The following HLA-DRB5 variants were observed in gnomAD, a reference collection of about 807,000 sequenced individuals.
HLA-DRB5 encodes major histocompatibility complex, class II, DR beta 5, also known as DR beta-5.
Under a neutral mutation model 22.4 loss-of-function variants are expected in HLA-DRB5, and 11 were observed. The ratio of observed to expected loss-of-function variants is 0.49; its 90% CI spans 0.31 to 0.81. The LOEUF (loss-of-function observed/expected upper bound fraction) is 0.81, where lower values mean the gene tolerates loss of function less well. Among genes scored for constraint, HLA-DRB5 ranks in the 40% least tolerant of loss-of-function variants. The pLI is 0.05. For missense variants in HLA-DRB5, 106 were observed against 274.4 expected (o/e 0.39, Z 4.34); for synonymous variants, 57 against 106.0 (o/e 0.54, Z 2.84).
At chr6:32,520,758 A>ATAAATTTCACAATATATTTG (rs1562429416) in intron 2 of HLA-DRB5, among the ~76,000 whole-genome samples, 1 of 49,136 alleles carries the variant, frequency 2.0e-5, no homozygotes, top group African/African-American at 7.5e-5. Flanking sequence ...AACCATTAAT[A>ATAAATTTCACAATATATTTG]AAAGTTTTGG....
intron 1 of HLA-DRB5, among the ~76,000 whole-genome samples, chr6:32,528,096 G>T (rs977375321): frequency 0.04 from 1,855 of 45,980 alleles, 4 homozygotes; most frequent in Non-Finnish European, 0.052. Flanking sequence ...CCCCAATTCG[G>T]TCTCCCTGGA....
chr6:32,521,603 CTG>C (rs1768879861), intron 2 of HLA-DRB5, among the ~76,000 whole-genome samples: 1 of 96,902 alleles, frequency 1.0e-5, no homozygotes, highest in Non-Finnish European at 2.1e-5. Context: ...CTCCAGCCCC[CTG>C]CACCCACCTC....
intron 1 of HLA-DRB5, among the ~76,000 whole-genome samples, chr6:32,525,220 G>A (rs1480062063): frequency 2.2e-5 from 1 of 46,108 alleles, no homozygotes; most frequent in Non-Finnish European, 4.5e-5. Context: ...ATTGAAATAT[G>A]ACCTCTTTTA....
At chr6:32,522,611 G>C (rs1236219495) in intron 1 of HLA-DRB5, among the ~76,000 whole-genome samples, 1 of 41,078 alleles carries the variant, frequency 2.4e-5, no homozygotes, top group Non-Finnish European at 5.1e-5. Flanking sequence ...ATGACCTTGT[G>C]CCAGGCTTGC....
In HLA-DRB5 at chr6:32,519,806, A is replaced by C. The variant is rs111741540; in HGVS notation, c.371-155T>G. On this transcript the variant is annotated intron_variant, in intron 2 of 5. Transcript: ENST00000374975. ...GGCCTCACAGTGTCATCAGCCTGGA[A>C]TTTAGTCTTTATAGTGGGGGCTCAT... Among the ~76,000 whole-genome samples the C allele has an allele frequency of 2.5e-5, 2 of 81,270 alleles. 1 individual carries two copies. The highest frequency in any genetic ancestry group is 4.8e-5 in the Non-Finnish European group (2 of 41,446). The allele number at this position is 81,270 out of a possible 152,430, so 53.3% of individuals were successfully genotyped here.
At chr6:32,524,570 T>C (rs1239089547) in intron 1 of HLA-DRB5, among the ~76,000 whole-genome samples, 4,390 of 54,096 alleles carry the variant, frequency 0.081, 22 homozygotes, top group Admixed American at 0.1. Flanking sequence ...TTACAAAACA[T>C]GAGCAGGTCC....
chr6:32,530,028 T>G, intron 1 of HLA-DRB5, 97 bp downstream of exon 1: 1 of 592,990 alleles, frequency 1.7e-6, no homozygotes, highest in South Asian at 1.9e-5. Flanking sequence ...GAAGAAAATG[T>G]CACAATTTCT....
chr6:32,520,758 A>ATAAATTTCACAATATATTTGATT (rs1562429416), intron 2 of HLA-DRB5, among the ~76,000 whole-genome samples: 3 of 49,160 alleles, frequency 6.1e-5, no homozygotes, highest in South Asian at 5.0e-4. Flanking sequence ...AACCATTAAT[A>ATAAATTTCACAATATATTTGATT]AAAGTTTTGG....
intron 1 of HLA-DRB5, among the ~76,000 whole-genome samples, chr6:32,528,447 AT>A (rs201680248): frequency 8.2e-3 from 538 of 65,732 alleles, no homozygotes; most frequent in Admixed American, 0.011. Flanking sequence ...TTAATAAACC[AT>A]GGTTCTGGGA....
At chr6:32,521,407 A>C (rs149274407) in intron 2 of HLA-DRB5, among the ~76,000 whole-genome samples, 2,687 of 95,676 alleles carry the variant, frequency 0.028, 333 homozygotes, top group Admixed American at 0.055. Context: ...AACACCACAC[A>C]CTTTTATTTC....
chr6:32,518,914 G>T (rs975539423), intron 3 of HLA-DRB5, among the ~76,000 whole-genome samples: 139 of 53,500 alleles, frequency 2.6e-3, no homozygotes, highest in Admixed American at 4.4e-3. Context: ...TAAACAGAAA[G>T]CCTGAGACTC....
At position 32,521,916 on chromosome 6, in the gene HLA-DRB5, A is replaced by G. The variant is rs1768952256; in HGVS notation, c.359T>C (p.Val120Ala). Reference sequence around the variant, plus strand: ...CCCACCATGCTCACCTCGCCGCTGCACTGTGAAGCTCTCACCAACCCCGTA... The same window carrying G: ...CCCACCATGCTCACCTCGCCGCTGCGCTGTGAAGCTCTCACCAACCCCGTA... ...HNYGVGESFT[V>A]QRRVEPKVTV... The change falls in exon 2 of 6, where the codon GTG (valine) becomes GCG (alanine). Residue 120 changes from valine (V) to alanine (A), a missense_variant. Val to Ala is a moderately conservative substitution (Grantham distance 64). Coordinates refer to ENST00000374975, the MANE Select transcript of HLA-DRB5 (RefSeq NM_002125.4). The G allele has an allele frequency of 6.5e-7, 1 of 1,536,012 alleles. No homozygotes were observed. The highest frequency in any genetic ancestry group is 8.9e-7 in the Non-Finnish European group (1 of 1,124,470).
At chr6:32,524,177 C>A in intron 1 of HLA-DRB5, among the ~76,000 whole-genome samples, 1 of 107,198 alleles carries the variant, frequency 9.3e-6, no homozygotes, top group Non-Finnish European at 2.0e-5. Context: ...ATATCTTGGT[C>A]CTACATAAAA....
chr6:32,520,758 A>ATAAATTTCGC (rs1562429416), intron 2 of HLA-DRB5, among the ~76,000 whole-genome samples: 1 of 49,136 alleles, frequency 2.0e-5, no homozygotes. Flanking sequence ...AACCATTAAT[A>ATAAATTTCGC]AAAGTTTTGG....
chr6:32,526,103 C>T (rs560450464), intron 1 of HLA-DRB5, among the ~76,000 whole-genome samples: 6,027 of 90,896 alleles, frequency 0.066, 43 homozygotes, highest in Admixed American at 0.099. Flanking sequence ...GCTCGCTACT[C>T]AAAACAGTCA....
At chr6:32,519,753 AC>A in intron 2 of HLA-DRB5, 102 bp from the exon 3 acceptor site, 2 of 503,942 alleles carry the variant, frequency 4.0e-6, no homozygotes, top group Non-Finnish European at 6.2e-6. Context: ...TCTGGCCTTG[AC>A]CAGGCCTCCA....
At chr6:32,529,307 G>T (rs113944172) in intron 1 of HLA-DRB5, among the ~76,000 whole-genome samples, 8,630 of 58,936 alleles carry the variant, frequency 0.15, 672 homozygotes, top group Middle Eastern at 0.23. Flanking sequence ...CATATAATTT[G>T]TCCTATGTTA....
At position 32,521,952 on chromosome 6, in the gene HLA-DRB5, C is replaced by T; in HGVS notation, c.323G>A (p.Cys108Tyr). The T allele has an allele frequency of 6.5e-7, 1 of 1,535,310 alleles. No individual in the cohort carries two copies. The highest frequency in any genetic ancestry group is 1.4e-5 in the African/African-American group (1 of 70,478). Residue 108 changes from cysteine (C) to tyrosine (Y), a missense_variant, in exon 2 of 6, where the codon TGC becomes TAC. Cys to Tyr is a radical substitution (Grantham distance 194). Coordinates refer to ENST00000374975, the MANE Select transcript of HLA-DRB5 (RefSeq NM_002125.4). ...CTCACCAACCCCGTAGTTGTGTCTG[C>T]AGTAGGTGTCCACCGCGGCGCGCCT... Reference protein sequence around the residue: ...EDRRAAVDTYCRHNYGVGESF... With the variant: ...EDRRAAVDTYYRHNYGVGESF...
chr6:32,520,291 T>C (rs187381513), intron 2 of HLA-DRB5, among the ~76,000 whole-genome samples: 13,341 of 46,112 alleles, frequency 0.29, 4,463 homozygotes, highest in East Asian at 0.37. Context: ...CCGAGTAGGG[T>C]ACAAAAGGAG....
Sources: allele counts gnomAD v4.1 joint callset (sites outside exome capture counted in the v4.1 genomes callset), GRCh38; gene constraint gnomAD v4.1.1; transcripts MANE v1.5; gene names NCBI Gene and HGNC (gene_info 2026-07-23, HGNC 2026-07-21).